The following DACH2 variants were observed in gnomAD, a reference collection of about 807,000 sequenced individuals.
DACH2 encodes dachshund family transcription factor 2.
DACH2 carries 17 observed loss-of-function variants against 35.8 expected under a neutral mutation model. That is an observed-to-expected ratio of 0.48 (90% CI 0.33 to 0.71). The LOEUF is 0.71. Ranked by LOEUF, DACH2 falls within the 30% of genes least tolerant of loss-of-function variation. The pLI, the probability that DACH2 is intolerant of heterozygous loss-of-function variation, is 0.02. For missense variants in DACH2, 469 were observed against 472.7 expected, an observed-to-expected ratio of 0.99 and a Z score of 0.07; for synonymous variants, 195 against 177.3, an observed-to-expected ratio of 1.10 and a Z score of -0.79.
chrX:86,739,334 C>G (rs1423582158), intron 6 of DACH2, among the ~76,000 whole-genome samples: 1 of 109,550 alleles, frequency 9.1e-6, no homozygotes, highest in Non-Finnish European at 1.9e-5. Flanking sequence ...CCAGGGCTCT[C>G]AAGTCTTTAC....
chrX:86,599,526 C>CTTTCTTTCTT, intron 3 of DACH2, among the ~76,000 whole-genome samples: 8 of 99,634 alleles, frequency 8.0e-5, no homozygotes, highest in Admixed American at 1.2e-4. Flanking sequence ...TTCAAAGAGT[C>CTTTCTTTCTT]TCTCTCTGTC....
intron 3 of DACH2, among the ~76,000 whole-genome samples, chrX:86,517,608 C>T (rs1419981856): frequency 2.7e-5 from 3 of 109,885 alleles, no homozygotes; most frequent in African/African-American, 6.6e-5. Context: ...TTAGTAGAGA[C>T]GAGGTTTCAC....
At chrX:86,705,578 A>T (rs902677306) in intron 5 of DACH2, among the ~76,000 whole-genome samples, 2 of 111,484 alleles carry the variant, frequency 1.8e-5, no homozygotes, top group Non-Finnish European at 3.8e-5. Flanking sequence ...TATTATTAAA[A>T]TTTTTAAAAA....
At chrX:86,784,127 G>A (rs1327087852) in intron 7 of DACH2, among the ~76,000 whole-genome samples, 4 of 107,881 alleles carry the variant, frequency 3.7e-5, no homozygotes, top group African/African-American at 1.4e-4. Flanking sequence ...TACAATGTAC[G>A]GATAAAAGAT....
At chrX:86,763,878 T>G (rs1457975944) in intron 7 of DACH2, among the ~76,000 whole-genome samples, 1 of 111,771 alleles carries the variant, frequency 8.9e-6, no homozygotes, top group African/African-American at 3.3e-5. Flanking sequence ...TTTATGCACT[T>G]TTTAATATAA....
At chrX:86,529,639 A>AT (rs1397450555) in intron 3 of DACH2, among the ~76,000 whole-genome samples, 31 of 108,241 alleles carry the variant, frequency 2.9e-4, no homozygotes, top group African/African-American at 9.8e-4. Context: ...CACCCAGCTA[A>AT]TTTTTTGTAT....
intron 2 of DACH2, among the ~76,000 whole-genome samples, chrX:86,461,611 A>G (rs571135412): frequency 9.0e-6 from 1 of 111,424 alleles, no homozygotes; most frequent in African/African-American, 3.2e-5. Flanking sequence ...CAAATTCTCT[A>G]TAAATCTTTC....
At chrX:86,785,259 G>C (rs912091926) in intron 7 of DACH2, among the ~76,000 whole-genome samples, 3 of 111,974 alleles carry the variant, frequency 2.7e-5, no homozygotes, top group African/African-American at 9.7e-5. Flanking sequence ...GAAATATACA[G>C]TCTGAAATCT....
At chrX:86,401,060 A>G (rs1301787679) in intron 2 of DACH2, among the ~76,000 whole-genome samples, 7 of 111,686 alleles carry the variant, frequency 6.3e-5, no homozygotes, top group Non-Finnish European at 1.3e-4. Flanking sequence ...TTGTTTACCT[A>G]CTCAAGCCTG....
intron 3 of DACH2, among the ~76,000 whole-genome samples, chrX:86,620,598 T>A (rs2040058017): frequency 1.8e-5 from 2 of 111,234 alleles, no homozygotes; most frequent in Admixed American, 9.7e-5. Flanking sequence ...TATTTTAATC[T>A]GAGCCTTCTA....
chrX:86,575,487 C>CTACCTAATT (rs1362189614), intron 3 of DACH2, among the ~76,000 whole-genome samples: 1 of 111,242 alleles, frequency 9.0e-6, no homozygotes, highest in Non-Finnish European at 1.9e-5. Context: ...GAAGTATATT[C>CTACCTAATT]TACCTAATTT....
At chrX:86,171,897 A>T (rs1393492612) in intron 1 of DACH2, among the ~76,000 whole-genome samples, 2 of 111,585 alleles carry the variant, frequency 1.8e-5, no homozygotes, top group Non-Finnish European at 3.8e-5. Context: ...CTATTCGGCT[A>T]CCTTGCTTTG....
chrX:86,216,606 AG>A (rs1221136912), intron 1 of DACH2, among the ~76,000 whole-genome samples: 1 of 111,788 alleles, frequency 8.9e-6, no homozygotes, highest in Non-Finnish European at 1.9e-5. Flanking sequence ...TATAAATAAA[AG>A]TTTCATATTT....
At chrX:86,224,444 C>G (rs1255991884) in intron 1 of DACH2, among the ~76,000 whole-genome samples, 1 of 111,372 alleles carries the variant, frequency 9.0e-6, no homozygotes, top group South Asian at 3.7e-4. Context: ...AAGCCCGCAC[C>G]TTCCACACTG....
rs188512330 is a variant in DACH2 at position 86,400,285 on chromosome X, G to T, written c.527+23423G>T. Among the ~76,000 whole-genome samples, 9 of 109,184 alleles carry T rather than the reference G, an allele frequency of 8.2e-5. No individual in the cohort carries two copies. In the East Asian group the frequency reaches 2.3e-3, roughly 28 times the overall value. The allele number at this position is 109,184 out of a possible 115,157, so 94.8% of individuals were successfully genotyped here. On this transcript the variant is annotated intron_variant, in intron 2 of 11. Coordinates refer to ENST00000373125, the MANE Select transcript of DACH2 (RefSeq NM_053281.3). ...GTTATTCTAGTTATCCATTCGTCTA[G>T]TTTTTTTTTCAAAGTTTTTAACTTT... is the stretch of plus-strand genomic sequence containing the variant.
chrX:86,480,281 A>G (rs1167413867), intron 2 of DACH2, among the ~76,000 whole-genome samples: 1 of 112,255 alleles, frequency 8.9e-6, no homozygotes, highest in Admixed American at 9.4e-5. Flanking sequence ...CTCACTTACC[A>G]GGCAGAGACT....
chrX:86,325,339 TGAAA>T (rs2035095350), intron 1 of DACH2, among the ~76,000 whole-genome samples: 1 of 110,492 alleles, frequency 9.1e-6, no homozygotes, highest in Non-Finnish European at 1.9e-5. Context: ...ATGAGTGAAG[TGAAA>T]GAGAGATGGA....
intron 2 of DACH2, among the ~76,000 whole-genome samples, chrX:86,402,668 A>G (rs980871793): frequency 1.1e-4 from 12 of 111,856 alleles, no homozygotes; most frequent in Non-Finnish European, 2.1e-4. Flanking sequence ...TCACACAATT[A>G]GAAAGATTTA....
intron 2 of DACH2, among the ~76,000 whole-genome samples, chrX:86,405,109 G>A (rs1274094942): frequency 9.0e-6 from 1 of 111,442 alleles, no homozygotes; most frequent in Non-Finnish European, 1.9e-5. Context: ...TCCCTCCTAG[G>A]TCTTGGGGTC....
Sources: gnomAD v4.1 joint callset for allele counts (sites outside exome capture counted in the v4.1 genomes callset) on GRCh38, gnomAD v4.1.1 for gene constraint, MANE v1.5 for transcripts, NCBI Gene and HGNC (gene_info 2026-07-23, HGNC 2026-07-21) for gene names.